The following TBC1D19 variants were observed in gnomAD, a reference collection of about 807,000 sequenced individuals.
TBC1D19 encodes TBC1 domain family member 19, also known as TBC1 domain family, member 19.
TBC1D19 carries 60 observed loss-of-function variants against 89.0 expected under a neutral mutation model. That is an observed-to-expected ratio of 0.67 (90% CI 0.55 to 0.84). The LOEUF (loss-of-function observed/expected upper bound fraction) is 0.84. Ranked by LOEUF, TBC1D19 falls within the 40% of genes least tolerant of loss-of-function variation. The pLI is 0.00. For missense variants in TBC1D19, 500 were observed against 610.8 expected, an observed-to-expected ratio of 0.82 and a Z score of 1.91; for synonymous variants, 189 against 199.7, an observed-to-expected ratio of 0.95 and a Z score of 0.45.
chr4:26,684,815 C>A (rs1713669355), intron 12 of TBC1D19, among the ~76,000 whole-genome samples: 1 of 152,086 alleles, frequency 6.6e-6, no homozygotes, highest in Non-Finnish European at 1.5e-5. Flanking sequence ...CTATTACTAA[C>A]AAATGACTGC....
At chr4:26,614,487 T>C (rs1356753958) in intron 3 of TBC1D19, 34 bp downstream of exon 3, 2 of 1,503,444 alleles carry the variant, frequency 1.3e-6, no homozygotes, top group South Asian at 2.6e-5. Flanking sequence ...AATAGTATTT[T>C]GTTTAGCTAT....
chr4:26,839,299 C>T, the TBC1D19 span, among the ~76,000 whole-genome samples: 4 of 152,062 alleles, frequency 2.6e-5, no homozygotes, highest in Admixed American at 1.3e-4. Context: ...TCTCAAGCAG[C>T]CTAACTTTAT....
the TBC1D19 span, among the ~76,000 whole-genome samples, chr4:26,796,678 A>G: frequency 1.3e-5 from 2 of 152,182 alleles, no homozygotes; most frequent in Non-Finnish European, 2.9e-5. Context: ...CAGCCTGGGC[A>G]ACAGAGCAAG....
At chr4:26,778,881 T>C in the TBC1D19 span, among the ~76,000 whole-genome samples, 1 of 152,244 alleles carries the variant, frequency 6.6e-6, no homozygotes, top group Middle Eastern at 3.4e-3. Context: ...TCTCAAATTT[T>C]ATGGCATACT....
chr4:26,821,145 G>T, the TBC1D19 span, among the ~76,000 whole-genome samples: 2 of 152,228 alleles, frequency 1.3e-5, no homozygotes, highest in East Asian at 3.8e-4. Flanking sequence ...CTGTATGAAA[G>T]CTTCTCGTGT....
intron 4 of TBC1D19, among the ~76,000 whole-genome samples, chr4:26,629,023 A>C (rs1227395614): frequency 1.3e-5 from 2 of 152,072 alleles, no homozygotes; most frequent in African/African-American, 4.8e-5. Flanking sequence ...CTTTAGTTCC[A>C]GTCTCATCTC....
chr4:26,778,136 C>A, the TBC1D19 span, among the ~76,000 whole-genome samples: 6 of 150,472 alleles, frequency 4.0e-5, no homozygotes, highest in Non-Finnish European at 8.9e-5. Context: ...AGGAAAGAGG[C>A]CGGACACAGT....
At chr4:26,581,339 T>G (rs925977422), upstream of TBC1D19, among the ~76,000 whole-genome samples, 1 of 152,230 alleles carries the variant, frequency 6.6e-6, no homozygotes, top group South Asian at 2.1e-4. Context: ...AAGCCCCGCA[T>G]GCATTAGGTA....
the TBC1D19 span, among the ~76,000 whole-genome samples, chr4:26,841,788 G>T: frequency 2.9e-3 from 447 of 152,206 alleles, no homozygotes; most frequent in African/African-American, 0.01. Flanking sequence ...CATTTCTTCT[G>T]ACCAGCTTGA....
At chr4:26,856,281 C>T in the TBC1D19 span, among the ~76,000 whole-genome samples, 4 of 152,310 alleles carry the variant, frequency 2.6e-5, no homozygotes, top group East Asian at 5.8e-4. Context: ...CCAGTTCCAC[C>T]CATGTTGCAG....
At chr4:26,628,146 C>A (rs1258419548) in intron 4 of TBC1D19, among the ~76,000 whole-genome samples, 1 of 152,254 alleles carries the variant, frequency 6.6e-6, no homozygotes, top group South Asian at 2.1e-4. Context: ...AATAGGGAAT[C>A]CTTTCCCCAT....
At chr4:26,654,280 A>G (rs1257592666) in intron 7 of TBC1D19, among the ~76,000 whole-genome samples, 1 of 152,142 alleles carries the variant, frequency 6.6e-6, no homozygotes, top group African/African-American at 2.4e-5. Flanking sequence ...TGGGTAACCC[A>G]ACCTTTCTCT....
At chr4:26,622,673 C>G (rs768521126) in intron 4 of TBC1D19, among the ~76,000 whole-genome samples, 4 of 152,118 alleles carry the variant, frequency 2.6e-5, no homozygotes, top group African/African-American at 4.8e-5. Flanking sequence ...TAAGGATAAT[C>G]TTGTGACACA....
At chr4:26,689,155 A>G (rs1195800819) in intron 13 of TBC1D19, among the ~76,000 whole-genome samples, 1 of 152,072 alleles carries the variant, frequency 6.6e-6, no homozygotes, top group East Asian at 1.9e-4. Flanking sequence ...ATCTTCAAGA[A>G]GGTTTATCAT....
rs1491448641 is a variant in TBC1D19, at chr4:26,656,993, C to CTT, written c.481-2604_481-2603insTT. ...TTCTTCTTCTTCTTCTTCTTCTTCT[C>CTT]CTTCTCCTTCTCCTTCTCCTTCTCC... is the stretch of plus-strand genomic sequence containing the variant. On this transcript the variant is annotated intron_variant, in intron 7 of 20. Coordinates refer to ENST00000264866, the MANE Select transcript of TBC1D19 (RefSeq NM_018317.4). Among the ~76,000 whole-genome samples, 32 of 33,348 alleles carry CTT rather than the reference C, an allele frequency of 9.6e-4. 1 individual carries two copies. The highest frequency in any genetic ancestry group is 3.4e-3 in the African/African-American group (27 of 7,844). 21.9% of individuals were successfully genotyped at this position (33,348 alleles called of 152,430 possible).
chr4:26,675,018 A>G (rs1313721837), intron 11 of TBC1D19, among the ~76,000 whole-genome samples: 2 of 152,048 alleles, frequency 1.3e-5, no homozygotes, highest in African/African-American at 4.8e-5. Flanking sequence ...AAAGCTTGCA[A>G]TTTATTTCAG....
the TBC1D19 span, among the ~76,000 whole-genome samples, chr4:26,797,492 C>G: frequency 0.014 from 2,112 of 152,208 alleles, 41 homozygotes; most frequent in African/African-American, 0.048. Flanking sequence ...AGATTCAATG[C>G]GATCCCTATT....
chr4:26,790,712 A>C, the TBC1D19 span, among the ~76,000 whole-genome samples: 1 of 152,240 alleles, frequency 6.6e-6, no homozygotes, highest in Non-Finnish European at 1.5e-5. Context: ...ATGGCATTAC[A>C]GAAAAATATG....
intron 7 of TBC1D19, 124 bp downstream of exon 7, chr4:26,640,311 G>A: frequency 1.4e-6 from 1 of 716,422 alleles, no homozygotes; most frequent in Non-Finnish European, 2.4e-6. Flanking sequence ...TGAAGCAGTA[G>A]AATGACATGA....
Sources: allele counts gnomAD v4.1 joint callset (sites outside exome capture counted in the v4.1 genomes callset), GRCh38; gene constraint gnomAD v4.1.1; transcripts MANE v1.5; gene names NCBI Gene and HGNC (gene_info 2026-07-23, HGNC 2026-07-21).